FIRRM: variants seen among roughly 807,000 people sequenced by gnomAD.
The protein encoded by FIRRM is FIGNL1 interacting regulator of recombination and mitosis, also known as FIGNL1-interacting regulator of recombination and mitosis.
the FIRRM span, among the ~76,000 whole-genome samples, chr1:169,789,003 C>G: frequency 6.6e-6 from 1 of 152,128 alleles, no homozygotes; most frequent in Non-Finnish European, 1.5e-5. Flanking sequence ...TGTGGCTTCC[C>G]CCAACCATCT....
chr1:169,831,104 C>T, the FIRRM span, among the ~76,000 whole-genome samples: 2 of 151,756 alleles, frequency 1.3e-5, no homozygotes, highest in Non-Finnish European at 2.9e-5. Context: ...TCTAATATGC[C>T]TTAGACAAGT....
At chr1:169,824,102 T>G in the FIRRM span, among the ~76,000 whole-genome samples, 3 of 152,226 alleles carry the variant, frequency 2.0e-5, no homozygotes, top group Admixed American at 2.0e-4. Flanking sequence ...TTCCTGTATC[T>G]TCCAACACCT....
chr1:169,852,727 C>T, the FIRRM span: 3 of 1,551,182 alleles, frequency 1.9e-6, no homozygotes, highest in Non-Finnish European at 2.7e-6. Context: ...TTACTCCAGT[C>T]CAAAAGGAAG....
chr1:169,853,041 T>G, the FIRRM span: 7 of 1,550,486 alleles, frequency 4.5e-6, no homozygotes, highest in Non-Finnish European at 6.2e-6. Flanking sequence ...AAAATACTTA[T>G]GTCTGTACAT....
At chr1:169,817,217 G>A in the FIRRM span, among the ~76,000 whole-genome samples, 11 of 152,236 alleles carry the variant, frequency 7.2e-5, no homozygotes, top group African/African-American at 1.9e-4. Flanking sequence ...CTCTTCATGA[G>A]AGTCCTGAAA....
chr1:169,795,168 G>A, the FIRRM span: 1 of 1,536,062 alleles, frequency 6.5e-7, no homozygotes, highest in South Asian at 1.2e-5. Context: ...GCTGGCCAGA[G>A]GAGCTATGCC....
the FIRRM span, among the ~76,000 whole-genome samples, chr1:169,818,627 T>C: frequency 2.6e-5 from 4 of 152,190 alleles, no homozygotes; most frequent in Admixed American, 6.5e-5. Flanking sequence ...ACACAATACA[T>C]ATAAATATAC....
At chr1:169,802,550 C>A in the FIRRM span, 1 of 1,025,802 alleles carries the variant, frequency 9.7e-7, no homozygotes, top group Non-Finnish European at 1.5e-6. Flanking sequence ...TGTGTTTTCT[C>A]TGTAAAGTTT....
chr1:169,831,134 A>AT, the FIRRM span, among the ~76,000 whole-genome samples: 24 of 149,662 alleles, frequency 1.6e-4, no homozygotes, highest in Non-Finnish European at 3.1e-4. Context: ...ATTTTGTTGT[A>AT]TTTTTTTTTT....
the FIRRM span, chr1:169,792,763 T>C: frequency 4.0e-5 from 64 of 1,613,558 alleles, no homozygotes; most frequent in Non-Finnish European, 5.3e-5. Flanking sequence ...TACTTAACAG[T>C]CTAAGGAAAG....
the FIRRM span, chr1:169,804,196 ACCC>A: frequency 1.5e-5 from 24 of 1,590,910 alleles, no homozygotes; most frequent in Non-Finnish European, 2.1e-5. Context: ...GTTTGCATGG[ACCC>A]TTTAGTAGAT....
the FIRRM span, among the ~76,000 whole-genome samples, chr1:169,821,144 A>C: frequency 6.6e-6 from 1 of 152,188 alleles, no homozygotes; most frequent in Admixed American, 6.5e-5. Context: ...GGATATTATC[A>C]GTCTTTTTAA....
chr1:169,847,802 A>G, the FIRRM span: 563 of 1,559,688 alleles, frequency 3.6e-4, no homozygotes, highest in Non-Finnish European at 4.7e-4. Flanking sequence ...GAAGCTATCC[A>G]GGTAATATTG....
the FIRRM span, among the ~76,000 whole-genome samples, chr1:169,806,552 G>A: frequency 6.6e-6 from 1 of 152,216 alleles, no homozygotes; most frequent in Non-Finnish European, 1.5e-5. Flanking sequence ...ACCAGGGATA[G>A]TGCCTGTAGC....
chr1:169,814,211 A>G, the FIRRM span, among the ~76,000 whole-genome samples: 2 of 152,216 alleles, frequency 1.3e-5, no homozygotes, highest in Non-Finnish European at 2.9e-5. Context: ...ATAAAATAAT[A>G]CAAATCTATT....
the FIRRM span, among the ~76,000 whole-genome samples, chr1:169,830,502 C>T: frequency 6.6e-6 from 1 of 152,110 alleles, no homozygotes; most frequent in African/African-American, 2.4e-5. Flanking sequence ...AATTAGGAAA[C>T]AAGTTCTTTC....
chr1:169,846,670 C>T, the FIRRM span, among the ~76,000 whole-genome samples: 4,101 of 152,246 alleles, frequency 0.027, 209 homozygotes, highest in East Asian at 0.22. Context: ...GCTTTTTCAG[C>T]TCTCAGCTTT....
the FIRRM span, among the ~76,000 whole-genome samples, chr1:169,835,705 A>G: frequency 1.3e-5 from 2 of 152,114 alleles, no homozygotes; most frequent in Non-Finnish European, 2.9e-5. Flanking sequence ...GGCAATACCT[A>G]CCCTTTTATG....
At chr1:169,822,808 T>A in the FIRRM span, among the ~76,000 whole-genome samples, 1 of 152,178 alleles carries the variant, frequency 6.6e-6, no homozygotes, top group African/African-American at 2.4e-5. Context: ...TCGACAACTT[T>A]TCTATTTTAC....
Sources: allele counts gnomAD v4.1 joint callset (sites outside exome capture counted in the v4.1 genomes callset), GRCh38; gene constraint gnomAD v4.1.1; transcripts MANE v1.5; gene names NCBI Gene and HGNC (gene_info 2026-07-23, HGNC 2026-07-21).